Variants in HTATIP2 observed in about 807,000 individuals in gnomAD.
HTATIP2 encodes protein HTATIP2.
Under a neutral mutation model 24.7 loss-of-function variants are expected in HTATIP2, and 26 were observed. That is an observed-to-expected ratio of 1.05 (90% CI 0.77 to 1.46). The LOEUF (loss-of-function observed/expected upper bound fraction) is 1.46. HTATIP2 is among the 40% of genes most tolerant of loss of function. HTATIP2 has a pLI of 0.00. For missense variants in HTATIP2, 284 were observed against 289.6 expected (o/e 0.98, Z 0.14); for synonymous variants, 99 against 113.2 (o/e 0.87, Z 0.79).
At chr11:20,379,245 A>G (rs1259235488) in intron 3 of HTATIP2, among the ~76,000 whole-genome samples, 1 of 152,220 alleles carries the variant, frequency 6.6e-6, no homozygotes, top group African/African-American at 2.4e-5. Flanking sequence ...TATTAAGGCC[A>G]ATACAACGGA....
intron 2 of HTATIP2, among the ~76,000 whole-genome samples, chr11:20,374,104 A>G (rs890237843): frequency 6.6e-6 from 1 of 152,220 alleles, no homozygotes; most frequent in African/African-American, 2.4e-5. Context: ...ATAGTTAAAA[A>G]TGTACTTGTG....
Position 20,383,731 on chromosome 11 carries a change from T to C in HTATIP2, c.*526T>C, listed in dbSNP as rs956404592. On this transcript the variant is annotated 3_prime_UTR_variant, in exon 5 of 5. Coordinates refer to ENST00000451739, the MANE Select transcript of HTATIP2 (RefSeq NM_001098522.2). ...AATAGAAGTTATATACCTAAGCTTA[T>C]ATAATACATGGGGAGGATTAAATAA... is the stretch of plus-strand genomic sequence containing the variant. The C allele has an allele frequency of 6.5e-6, 1 of 154,926 alleles. No homozygotes were observed. The highest frequency in any genetic ancestry group is 1.4e-5 in the Non-Finnish European group (1 of 69,786). The allele number at this position is 154,926 out of a possible 1,614,324, so 9.6% of individuals were successfully genotyped here.
intron 2 of HTATIP2, among the ~76,000 whole-genome samples, chr11:20,374,093 T>C (rs1848405230): frequency 1.3e-5 from 2 of 152,112 alleles, no homozygotes; most frequent in Non-Finnish European, 1.5e-5. Flanking sequence ...AGGTGGTGGA[T>C]ATAGTTAAAA....
At position 20,368,307 on chromosome 11, in the gene HTATIP2, T is replaced by C. The variant is rs2064735182; in HGVS notation, c.303+1026T>C. Among the ~76,000 whole-genome samples the C allele has an allele frequency of 2.0e-5, 3 of 152,340 alleles. 1 individual carries two copies. Among genetic ancestry groups the C allele is most frequent in the African/African-American group, 7.2e-5 (3 of 41,580 alleles). On this transcript the variant is annotated intron_variant, in intron 2 of 4. Transcript: ENST00000451739. ...CATATAGTGAAGAACTATTCATTTA[T>C]ACCAACCGAGTAGTTAGATTCAGAT...
In HTATIP2 at chr11:20,364,295, T is replaced by C; in HGVS notation, c.58T>C (p.Ser20Pro). 6.2e-7 allele frequency: 1 copy of C among 1,613,766 alleles called. No homozygotes were observed. Among genetic ancestry groups the C allele is most frequent in the African/African-American group, 1.3e-5 (1 of 75,018 alleles). The change falls in exon 1 of 5, where the codon TCC becomes CCC. Residue 20 changes from serine (S) to proline (P), a missense_variant. By Grantham distance (74) the Ser-to-Pro change is moderately conservative. Transcript: ENST00000451739. ...GGAAGACTTCAGGATGCAGAATAAATCCGTCTTTATTTTGGGCGCCAGCGG... is the reference window on the plus strand; with the variant it reads ...GGAAGACTTCAGGATGCAGAATAAACCCGTCTTTATTTTGGGCGCCAGCGG... ...LREDFRMQNK[S>P]VFILGASGET...
At chr11:20,371,920 A>C (rs1592319644) in intron 2 of HTATIP2, among the ~76,000 whole-genome samples, 1 of 152,162 alleles carries the variant, frequency 6.6e-6, no homozygotes, top group South Asian at 2.1e-4. Context: ...GCCCTCCAGG[A>C]CACAAACAAA....
chr11:20,366,828 G>C (rs995867673), intron 1 of HTATIP2, among the ~76,000 whole-genome samples: 1 of 152,094 alleles, frequency 6.6e-6, no homozygotes, highest in African/African-American at 2.4e-5. Flanking sequence ...TCTTCTTTAA[G>C]ATGCCAAACG....
At chr11:20,379,127 C>CCT (rs1217761735) in intron 3 of HTATIP2, among the ~76,000 whole-genome samples, 303 of 152,338 alleles carry the variant, frequency 2.0e-3, no homozygotes, top group African/African-American at 6.6e-3. Context: ...TGAACCCAGG[C>CCT]TGATTCCAAG....
intron 4 of HTATIP2, among the ~76,000 whole-genome samples, 194 bp downstream of exon 4, chr11:20,382,433 T>C (rs1270651731): frequency 6.6e-6 from 1 of 152,236 alleles, no homozygotes; most frequent in Non-Finnish European, 1.5e-5. Context: ...TGCTTCAGAA[T>C]AGTCTGGAAC....
Position 20,364,126 on chromosome 11 carries a change from C to A in HTATIP2, c.-112C>A, listed in dbSNP as rs972146331. The A allele has an allele frequency of 6.2e-6, 9 of 1,457,100 alleles. No individual in the cohort carries two copies. The highest frequency in any genetic ancestry group is 1.4e-5 in the African/African-American group (1 of 70,236). 90.3% of individuals were successfully genotyped at this position (1,457,100 alleles called of 1,614,324 possible). On this transcript the variant is annotated 5_prime_UTR_variant, in exon 1 of 5. The change creates a premature stop within an existing upstream ORF in the 5' untranslated region. Coordinates refer to ENST00000451739, the MANE Select transcript of HTATIP2 (RefSeq NM_001098522.2). ...AGCACTTTCCCCAGAGCCCGGACTG[C>A]GGAGAACAATATCCTCCTCCCTAAC...
chr11:20,376,892 T>C (rs1320401974), intron 3 of HTATIP2, among the ~76,000 whole-genome samples, 175 bp downstream of exon 3: 1 of 152,176 alleles, frequency 6.6e-6, no homozygotes, highest in Non-Finnish European at 1.5e-5. Context: ...GGAAAGGTAA[T>C]TTCCAATGTC....
chr11:20,367,381 A>G (rs2064722898), intron 2 of HTATIP2, 100 bp downstream of exon 2: 1 of 1,591,134 alleles, frequency 6.3e-7, no homozygotes, highest in Non-Finnish European at 8.6e-7. Context: ...CAATGCTTAA[A>G]TGTGAATAAG....
At chr11:20,378,465 A>G (rs758816075) in intron 3 of HTATIP2, among the ~76,000 whole-genome samples, 31 of 152,134 alleles carry the variant, frequency 2.0e-4, no homozygotes, top group Non-Finnish European at 3.5e-4. Context: ...ATCAGGCCCA[A>G]CTTGTTTTTT....
intron 1 of HTATIP2, among the ~76,000 whole-genome samples, chr11:20,365,086 C>T (rs955901283): frequency 1.2e-4 from 18 of 151,024 alleles, no homozygotes; most frequent in African/African-American, 2.9e-4. Flanking sequence ...CAGGTTCAAG[C>T]GATTCTTCTG....
At chr11:20,369,433 C>T (rs1328509002) in intron 2 of HTATIP2, among the ~76,000 whole-genome samples, 2 of 152,194 alleles carry the variant, frequency 1.3e-5, no homozygotes, top group Non-Finnish European at 2.9e-5. Flanking sequence ...GTGTAGGTGG[C>T]TTATTTCCAT....
At chr11:20,372,486 T>C (rs752593929) in intron 2 of HTATIP2, among the ~76,000 whole-genome samples, 12 of 152,250 alleles carry the variant, frequency 7.9e-5, no homozygotes, top group Non-Finnish European at 1.8e-4. Context: ...GAGTGTAGTA[T>C]ACTGTGTTTA....
chr11:20,375,551 A>G (rs1048779795), intron 2 of HTATIP2, among the ~76,000 whole-genome samples: 3 of 152,172 alleles, frequency 2.0e-5, no homozygotes, highest in Non-Finnish European at 4.4e-5. Flanking sequence ...AGCCTGGGCA[A>G]CAGAGCAAGA....
rs748861353 is a variant in HTATIP2, at chr11:20,382,341, A to G, written c.503+102A>G. On this transcript the variant is annotated intron_variant, in intron 4 of 4. Transcript: ENST00000451739. ...GGCTGACAGCTGAAATATCTAAGAT[A>G]TGAAAGACATTGGCTAGAGGTAGAT... is the stretch of plus-strand genomic sequence containing the variant. 6.4e-5 allele frequency: 45 copies of G among 697,832 alleles called. 1 individual carries two copies. Among genetic ancestry groups the G allele is most frequent in the Non-Finnish European group, 9.2e-5 (37 of 401,430 alleles). 43.2% of individuals were successfully genotyped at this position (697,832 alleles called of 1,614,324 possible).
At chr11:20,365,932 C>A (rs1368918166) in intron 1 of HTATIP2, among the ~76,000 whole-genome samples, 1 of 142,872 alleles carries the variant, frequency 7.0e-6, no homozygotes, top group African/African-American at 2.6e-5. Context: ...AATTGTGCCA[C>A]TGCACTCCAG....
Sources: allele counts gnomAD v4.1 joint callset (sites outside exome capture counted in the v4.1 genomes callset), GRCh38; gene constraint gnomAD v4.1.1; transcripts MANE v1.5; gene names NCBI Gene and HGNC (gene_info 2026-07-23, HGNC 2026-07-21).